ADGRL2: variants seen among roughly 807,000 people sequenced by gnomAD.
ADGRL2 encodes the protein adhesion G protein-coupled receptor L2.
A neutral mutation model predicts 157.4 loss-of-function variants in ADGRL2; 44 were observed. That is an observed-to-expected ratio of 0.28 (90% CI 0.22 to 0.36). The LOEUF is 0.36. ADGRL2 is among the 10% of genes least tolerant of loss of function. The pLI, the probability that ADGRL2 is intolerant of heterozygous loss-of-function variation, is 1.00. For synonymous variants in ADGRL2, 585 were observed against 624.7 expected (o/e 0.94, Z 0.95); for missense variants, 1,510 against 1,768.9 (o/e 0.85, Z 2.63).
intron 2 of ADGRL2, among the ~76,000 whole-genome samples, chr1:81,554,088 A>G (rs937991993): frequency 1.3e-5 from 2 of 152,224 alleles, no homozygotes; most frequent in African/African-American, 4.8e-5. Context: ...CAGTCAGGTT[A>G]AAAAACAGAT....
intron 23 of ADGRL2, 113 bp downstream of exon 23, chr1:81,987,999 T>A: frequency 4.4e-6 from 1 of 228,010 alleles, no homozygotes; most frequent in Non-Finnish European, 9.7e-6. Context: ...AGCGGGCAAG[T>A]GGTTCACAAT....
At chr1:81,697,880 A>G (rs2083477196), upstream of ADGRL2, among the ~76,000 whole-genome samples, 1 of 152,240 alleles carries the variant, frequency 6.6e-6, no homozygotes, top group African/African-American at 2.4e-5. Context: ...CTAAATTATT[A>G]GAAATAGAGT....
At chr1:81,393,453 C>G (rs953022696) in intron 1 of ADGRL2, among the ~76,000 whole-genome samples, 8 of 151,980 alleles carry the variant, frequency 5.3e-5, no homozygotes, top group Non-Finnish European at 1.0e-4. Context: ...TACATGAGGC[C>G]CTCTACAGCT....
At chr1:81,740,894 T>C (rs2085051294) in intron 1 of ADGRL2, among the ~76,000 whole-genome samples, 1 of 151,762 alleles carries the variant, frequency 6.6e-6, no homozygotes, top group Non-Finnish European at 1.5e-5. Context: ...AGACTGTAAG[T>C]TGAGTGTGGA....
intron 2 of ADGRL2, among the ~76,000 whole-genome samples, chr1:81,861,548 G>A (rs184804920): frequency 2.0e-5 from 3 of 152,126 alleles, no homozygotes; most frequent in Admixed American, 1.3e-4. Context: ...TGATTATGTC[G>A]GTATCAATTA....
intron 1 of ADGRL2, among the ~76,000 whole-genome samples, chr1:81,435,176 T>A (rs1277337336): frequency 3.9e-5 from 6 of 152,356 alleles, no homozygotes; most frequent in African/African-American, 1.4e-4. Context: ...TACTTTTTAA[T>A]AACTCAACAT....
intron 2 of ADGRL2, among the ~76,000 whole-genome samples, chr1:81,886,467 G>A (rs552509488): frequency 6.6e-6 from 1 of 152,304 alleles, no homozygotes; most frequent in African/African-American, 2.4e-5. Context: ...ACCATGCCCA[G>A]CTGGTACACC....
At chr1:81,859,406 C>CTTTTTTT (rs34509135) in intron 2 of ADGRL2, among the ~76,000 whole-genome samples, 1 of 124,920 alleles carries the variant, frequency 8.0e-6, no homozygotes, top group African/African-American at 3.0e-5. Context: ...AGAATAAAAC[C>CTTTTTTT]TTTTTTTTTT....
Position 81,415,234 on chromosome 1 carries a change from A to G in ADGRL2, c.-301-29802A>G, listed in dbSNP as rs192674282. ...GTTTATATGTTGCAATTAAAAGGCT[A>G]TTATAAACAAATTAGTAGTATCACG... On this transcript the variant is annotated intron_variant, in intron 1 of 24. Transcript: ENST00000370721. 4.1e-3 allele frequency among the ~76,000 whole-genome samples: 630 copies of G among 152,358 alleles called. 6 individuals are homozygous for G. Among genetic ancestry groups the G allele is most frequent in the Non-Finnish European group, 7.2e-3 (492 of 68,038 alleles).
intron 1 of ADGRL2, among the ~76,000 whole-genome samples, chr1:81,384,907 C>T (rs1360623676): frequency 6.6e-6 from 1 of 152,056 alleles, no homozygotes; most frequent in East Asian, 1.9e-4. Flanking sequence ...GACAAATTAC[C>T]TTCTCTATTG....
intron 2 of ADGRL2, among the ~76,000 whole-genome samples, chr1:81,880,504 G>A (rs995342599): frequency 1.3e-5 from 2 of 152,150 alleles, no homozygotes; most frequent in African/African-American, 4.8e-5. Flanking sequence ...AGAGTGAGTG[G>A]TGTAGATTTT....
At chr1:81,825,741 T>C (rs2149977728) in intron 1 of ADGRL2, among the ~76,000 whole-genome samples, 1 of 139,066 alleles carries the variant, frequency 7.2e-6, no homozygotes, top group Non-Finnish European at 1.6e-5. Flanking sequence ...TTGGAGACAT[T>C]TTAGAAACAT....
intron 3 of ADGRL2, among the ~76,000 whole-genome samples, chr1:81,603,699 A>G (rs1405556603): frequency 6.6e-6 from 1 of 152,172 alleles, no homozygotes; most frequent in Non-Finnish European, 1.5e-5. Flanking sequence ...TGTGGAAACT[A>G]TTTTCTAATT....
rs35658951 is a variant in ADGRL2, at chr1:81,919,554, CTT to C, written c.287+12334_287+12335del. Among the ~76,000 whole-genome samples, 75 of 148,826 alleles carry C rather than the reference CTT, an allele frequency of 5.0e-4. 1 individual carries two copies. The highest frequency in any genetic ancestry group is 1.3e-3 in the Admixed American group (19 of 14,794). ...AAAAACATCCTTTAGTAAATGAAAG[CTT>C]TTTTTTTTTAAGTTTTACTCTTGGT... On this transcript the variant is annotated intron_variant, in intron 3 of 23. Coordinates refer to ENST00000686636, the MANE Select transcript of ADGRL2 (RefSeq NM_001366006.2).
rs180741654 is a variant in ADGRL2, at chr1:81,680,547, C to T, written c.-142-81264C>T. On this transcript the variant is annotated intron_variant, in intron 3 of 24. Coordinates refer to the ADGRL2 transcript ENST00000370721. ...GCTTACACTGATGATCTCATCAGACCGATAATTAATAATCGTGAATTAGGC... is the reference window on the plus strand; with the variant it reads ...GCTTACACTGATGATCTCATCAGACTGATAATTAATAATCGTGAATTAGGC... Among the ~76,000 whole-genome samples, 444 of 151,928 alleles carry T rather than the reference C, an allele frequency of 2.9e-3. 1 individual carries two copies. Among genetic ancestry groups the T allele is most frequent in the Non-Finnish European group, 4.9e-3 (335 of 67,972 alleles).
At chr1:81,606,172 G>A (rs1025204691) in intron 3 of ADGRL2, among the ~76,000 whole-genome samples, 3 of 152,118 alleles carry the variant, frequency 2.0e-5, no homozygotes, top group Non-Finnish European at 2.9e-5. Flanking sequence ...ATGAAGTGAT[G>A]ATAATTTGTA....
Position 81,943,837 on chromosome 1 carries a change from T to A in ADGRL2, c.1210+68T>A. 1 of 1,267,374 alleles carries A rather than the reference T, an allele frequency of 7.9e-7. No homozygotes were observed. The highest frequency in any genetic ancestry group is 1.4e-5 in the South Asian group (1 of 69,892). The allele number at this position is 1,267,374 out of a possible 1,614,324, so 78.5% of individuals were successfully genotyped here. ...AGCATTTTTCTTTTTAAAGACTTCT[T>A]AATTTTTTTTTCCTATTTTCTTCCC... On this transcript the variant is annotated intron_variant, in intron 6 of 23. Transcript: ENST00000686636. The surrounding 1 kb of genome is among the most constrained non-coding windows in gnomAD (Gnocchi z 5.6).
Position 81,454,115 on chromosome 1 carries a change from A to G in ADGRL2, c.-248+9026A>G, listed in dbSNP as rs181601157. ...TTTTGATGCTATTTTGTCATTAGTT[A>G]AAGTTAAACCAGGGCATTATTGGCT... On this transcript the variant is annotated intron_variant, in intron 2 of 24. Transcript: ENST00000370721. 1.4e-3 allele frequency among the ~76,000 whole-genome samples: 215 copies of G among 152,216 alleles called. 1 individual carries two copies. Among genetic ancestry groups the G allele is most frequent in the African/African-American group, 4.7e-3 (197 of 41,554 alleles).
intron 1 of ADGRL2, among the ~76,000 whole-genome samples, chr1:81,707,727 T>G (rs1020421828): frequency 1.3e-5 from 2 of 152,162 alleles, no homozygotes; most frequent in African/African-American, 4.8e-5. Flanking sequence ...TGATAACAAA[T>G]ACCACCATAT....
Sources: allele counts gnomAD v4.1 joint callset (sites outside exome capture counted in the v4.1 genomes callset), GRCh38; gene constraint gnomAD v4.1.1; non-coding constraint Gnocchi (gnomAD v3.1); transcripts MANE v1.5; gene names NCBI Gene and HGNC (gene_info 2026-07-23, HGNC 2026-07-21).